CNTLN: variants seen among roughly 807,000 people sequenced by gnomAD.
The protein encoded by CNTLN is centlein, centrosomal protein.
A neutral mutation model predicts 180.0 loss-of-function variants in CNTLN; 212 were observed. The observed-to-expected ratio is 1.18, with a 90% CI of 1.05 to 1.32. CNTLN has a LOEUF of 1.32. Among genes scored for constraint, CNTLN ranks in the 40% most tolerant of loss-of-function variants. The pLI is 0.00. For missense variants in CNTLN, 2,095 were observed against 1,610.9 expected (o/e 1.30, Z -5.14); for synonymous variants, 722 against 563.1 (o/e 1.28, Z -3.99).
intron 2 of CNTLN, among the ~76,000 whole-genome samples, chr9:17,188,768 C>T (rs1448863648): frequency 6.6e-6 from 1 of 151,974 alleles, no homozygotes; most frequent in African/African-American, 2.4e-5. Context: ...TTCACTTTCT[C>T]TCCATTATGT....
Position 17,484,753 on chromosome 9 carries a change from T to C in CNTLN, c.4041+273T>C, listed in dbSNP as rs542540990. 7.9e-5 allele frequency among the ~76,000 whole-genome samples: 12 copies of C among 152,230 alleles called. No homozygotes were observed. The South Asian group carries it at 2.5e-3, about 32-fold the overall frequency. Reference sequence around the variant, plus strand: ...TTATTCTTTCCTATCTCCTCCATTTTCTTTAATTTAATCATATTATATATC... The same window carrying C: ...TTATTCTTTCCTATCTCCTCCATTTCCTTTAATTTAATCATATTATATATC... On this transcript the variant is annotated intron_variant, in intron 24 of 25. Transcript: ENST00000380647.
rs1395771360 is a variant in CNTLN, at chr9:17,484,479, T to C, written c.4040T>C (p.Val1347Ala). Reference sequence around the variant, plus strand: ...GAAATATTAGACACAGAAGATCAAGTGGTAAGATCATTTAAATATTTATTA... The same window carrying C: ...GAAATATTAGACACAGAAGATCAAGCGGTAAGATCATTTAAATATTTATTA... ...LEEILDTEDQVEIEKTKIDAE... is the reference protein window; with the variant it reads ...LEEILDTEDQAEIEKTKIDAE... Residue 1347 changes from valine to alanine, a missense_variant and splice_region_variant, in exon 24 of 26, where the codon GTG becomes GCG. Transcript: ENST00000380647. 7 of 1,585,202 alleles carry C rather than the reference T, an allele frequency of 4.4e-6. No individual in the cohort carries two copies. The highest frequency in any genetic ancestry group is 6.0e-6 in the Non-Finnish European group (7 of 1,171,428).
intron 5 of CNTLN, among the ~76,000 whole-genome samples, chr9:17,243,683 A>G (rs1825628499): frequency 1.3e-5 from 2 of 152,298 alleles, no homozygotes; most frequent in South Asian, 4.1e-4. Context: ...GATGCTTGAT[A>G]TAATTTTAGT....
At chr9:17,412,499 T>G (rs1428895641) in intron 16 of CNTLN, among the ~76,000 whole-genome samples, 1 of 152,226 alleles carries the variant, frequency 6.6e-6, no homozygotes, top group Non-Finnish European at 1.5e-5. Flanking sequence ...GTGAAATTGA[T>G]ACATGTTTAG....
chr9:17,301,267 A>G, intron 7 of CNTLN: 1 of 985,394 alleles, frequency 1.0e-6, no homozygotes, highest in Middle Eastern at 5.2e-4. Context: ...CCGTAACCTA[A>G]ATTGTGATCT....
At chr9:17,197,627 G>A (rs942959817) in intron 2 of CNTLN, among the ~76,000 whole-genome samples, 1 of 152,028 alleles carries the variant, frequency 6.6e-6, no homozygotes, top group African/African-American at 2.4e-5. Context: ...CTTATACTCT[G>A]GTTATTAATC....
intron 18 of CNTLN, among the ~76,000 whole-genome samples, chr9:17,440,405 C>G (rs1335178962): frequency 2.1e-5 from 3 of 141,828 alleles, no homozygotes; most frequent in African/African-American, 8.0e-5. Flanking sequence ...AACCCCTTCT[C>G]TACTAAAATA....
At chr9:17,317,299 A>G (rs1268420773) in intron 8 of CNTLN, among the ~76,000 whole-genome samples, 3 of 152,216 alleles carry the variant, frequency 2.0e-5, no homozygotes, top group African/African-American at 4.8e-5. Context: ...CTCTCATGTT[A>G]TATGGAAGAT....
At chr9:17,495,458 T>A (rs566820580) in intron 25 of CNTLN, among the ~76,000 whole-genome samples, 6 of 152,110 alleles carry the variant, frequency 3.9e-5, no homozygotes, top group African/African-American at 1.2e-4. Context: ...ATTAAAACGT[T>A]TAAAAATAAA....
At position 17,143,395 on chromosome 9, in the gene CNTLN, T is replaced by A; in HGVS notation, c.449+19T>A. 6.4e-7 allele frequency: 1 copy of A among 1,572,320 alleles called. No individual in the cohort carries two copies. The highest frequency in any genetic ancestry group is 8.7e-7 in the Non-Finnish European group (1 of 1,143,114). On this transcript the variant is annotated intron_variant, in intron 2 of 25. Coordinates refer to ENST00000380647, the MANE Select transcript of CNTLN (RefSeq NM_017738.4). ...TGGAAAGGTGAGCTCTCAAATTATT[T>A]TTTCATGAGTATTTGGTGTGTTGAG...
At chr9:17,387,370 C>G (rs1825761336) in intron 13 of CNTLN, among the ~76,000 whole-genome samples, 1 of 151,998 alleles carries the variant, frequency 6.6e-6, no homozygotes, top group Non-Finnish European at 1.5e-5. Flanking sequence ...AGAATTAATT[C>G]ACTAAGAAAA....
intron 4 of CNTLN, 91 bp downstream of exon 4, chr9:17,235,883 T>C: frequency 7.0e-7 from 1 of 1,421,200 alleles, no homozygotes; most frequent in Non-Finnish European, 9.4e-7. Context: ...AAGTGACAGA[T>C]TTGGAGGAAA....
At chr9:17,293,184 A>T (rs996332981) in intron 6 of CNTLN, among the ~76,000 whole-genome samples, 1 of 152,206 alleles carries the variant, frequency 6.6e-6, no homozygotes, top group Non-Finnish European at 1.5e-5. Flanking sequence ...CACCAACCTG[A>T]TGCCAACAGG....
chr9:17,478,345 G>A (rs749219049), intron 23 of CNTLN, among the ~76,000 whole-genome samples: 1 of 152,014 alleles, frequency 6.6e-6, no homozygotes, highest in Non-Finnish European at 1.5e-5. Context: ...GAAAATATTT[G>A]TCTTCCATTG....
At chr9:17,432,767 C>T (rs59304267) in intron 18 of CNTLN, among the ~76,000 whole-genome samples, 1 of 152,058 alleles carries the variant, frequency 6.6e-6, no homozygotes, top group African/African-American at 2.4e-5. Context: ...TGCCTGTAAT[C>T]TCAGCACTTT....
At chr9:17,440,352 T>A (rs1479251179) in intron 18 of CNTLN, among the ~76,000 whole-genome samples, 1 of 148,520 alleles carries the variant, frequency 6.7e-6, no homozygotes, top group Non-Finnish European at 1.5e-5. Flanking sequence ...GGCGGGTGGA[T>A]CATGAGGTCA....
intron 2 of CNTLN, among the ~76,000 whole-genome samples, chr9:17,195,773 A>G (rs920851067): frequency 1.3e-5 from 2 of 151,722 alleles, no homozygotes; most frequent in East Asian, 1.9e-4. Flanking sequence ...TTATTGACTA[A>G]AGAAACTCTC....
chr9:17,141,222 G>A (rs1818066646), intron 1 of CNTLN, among the ~76,000 whole-genome samples: 1 of 152,102 alleles, frequency 6.6e-6, no homozygotes, highest in Admixed American at 6.5e-5. Context: ...CAGAAATTGA[G>A]ATATCTGCCA....
the CNTLN span, among the ~76,000 whole-genome samples, chr9:17,512,275 T>C: frequency 2.0e-5 from 3 of 152,324 alleles, no homozygotes; most frequent in Admixed American, 6.5e-5. Flanking sequence ...GAAATCTACA[T>C]ACCGTATCAG....
Sources: allele counts gnomAD v4.1 joint callset (sites outside exome capture counted in the v4.1 genomes callset), GRCh38; gene constraint gnomAD v4.1.1; transcripts MANE v1.5; gene names NCBI Gene and HGNC (gene_info 2026-07-23, HGNC 2026-07-21).